TRIM24: variants seen among roughly 807,000 people sequenced by gnomAD.
TRIM24 encodes the protein transcription intermediary factor 1-alpha.
Under a neutral mutation model 123.9 loss-of-function variants are expected in TRIM24, and 29 were observed. The observed-to-expected ratio is 0.23, with a 90% CI of 0.17 to 0.32. The LOEUF (loss-of-function observed/expected upper bound fraction) is 0.32, where lower values mean the gene tolerates loss of function less well. Ranked by LOEUF, TRIM24 falls within the 10% of genes least tolerant of loss-of-function variation. TRIM24 has a pLI of 1.00. For synonymous variants in TRIM24, 456 were observed against 461.1 expected, an observed-to-expected ratio of 0.99 and a Z score of 0.14; for missense variants, 932 against 1,295.3, an observed-to-expected ratio of 0.72 and a Z score of 4.31.
chr7:138,472,886 A>T (rs1049050904), intron 1 of TRIM24, among the ~76,000 whole-genome samples: 2 of 152,084 alleles, frequency 1.3e-5, no homozygotes, highest in African/African-American at 4.8e-5. Flanking sequence ...TTTTTTTTTT[A>T]AATAGAAACA....
At chr7:138,560,056 T>A (rs1797394610) in intron 9 of TRIM24, among the ~76,000 whole-genome samples, 1 of 152,136 alleles carries the variant, frequency 6.6e-6, no homozygotes, top group Non-Finnish European at 1.5e-5. Context: ...CCGAACAAGA[T>A]CTCATAGGGC....
intron 4 of TRIM24, among the ~76,000 whole-genome samples, chr7:138,523,396 C>T (rs1057173253): frequency 3.3e-5 from 5 of 152,132 alleles, no homozygotes; most frequent in African/African-American, 1.2e-4. Flanking sequence ...TAATTTAAAA[C>T]CTTCCCACAA....
intron 1 of TRIM24, among the ~76,000 whole-genome samples, chr7:138,480,519 T>C (rs1795503087): frequency 1.3e-5 from 2 of 152,206 alleles, no homozygotes; most frequent in Admixed American, 1.3e-4. Context: ...GTATTGGAAA[T>C]GTTGCCTGTT....
intron 1 of TRIM24, among the ~76,000 whole-genome samples, chr7:138,471,650 C>T (rs1334211165): frequency 1.3e-5 from 2 of 152,042 alleles, no homozygotes; most frequent in Admixed American, 6.6e-5. Context: ...AAGTGATTCT[C>T]ATGCCTCAGC....
intron 1 of TRIM24, among the ~76,000 whole-genome samples, chr7:138,482,063 C>T (rs1795539698): frequency 6.6e-6 from 1 of 152,158 alleles, no homozygotes; most frequent in Non-Finnish European, 1.5e-5. Flanking sequence ...TTCTCTTTCT[C>T]AGGCAGTTTT....
intron 7 of TRIM24, among the ~76,000 whole-genome samples, chr7:138,550,545 G>A (rs1419564655): frequency 6.6e-6 from 1 of 152,100 alleles, no homozygotes; most frequent in Non-Finnish European, 1.5e-5. Context: ...GCAGCGTGGA[G>A]GAAAGTGGAT....
At chr7:138,472,136 C>T (rs1057019999) in intron 1 of TRIM24, among the ~76,000 whole-genome samples, 1 of 151,768 alleles carries the variant, frequency 6.6e-6, no homozygotes, top group African/African-American at 2.4e-5. Flanking sequence ...AAAGTTTAGA[C>T]AACTCTGAAG....
chr7:138,564,361 C>T (rs1157712250), intron 9 of TRIM24, among the ~76,000 whole-genome samples: 2 of 152,116 alleles, frequency 1.3e-5, no homozygotes, highest in Non-Finnish European at 2.9e-5. Flanking sequence ...AGTCTTGGAG[C>T]ATGTTACCAT....
At chr7:138,499,014 C>T (rs1250617327) in intron 1 of TRIM24, among the ~76,000 whole-genome samples, 1 of 152,130 alleles carries the variant, frequency 6.6e-6, no homozygotes, top group Admixed American at 6.5e-5. Flanking sequence ...ACTGATTTTT[C>T]TGTCTACTGC....
chr7:138,462,620 G>A (rs1334806695), intron 1 of TRIM24, among the ~76,000 whole-genome samples: 2 of 151,970 alleles, frequency 1.3e-5, no homozygotes, highest in Admixed American at 6.5e-5. Context: ...GATTACAGGC[G>A]TGAGCCACCG....
intron 1 of TRIM24, chr7:138,461,142 G>C: frequency 1.4e-6 from 1 of 694,092 alleles, no homozygotes; most frequent in East Asian, 2.9e-5. Context: ...CCGCGCCGCC[G>C]CCGCCGCCGC....
At chr7:138,464,251 C>T (rs1371882368) in intron 1 of TRIM24, among the ~76,000 whole-genome samples, 2 of 151,592 alleles carry the variant, frequency 1.3e-5, no homozygotes, top group East Asian at 1.9e-4. Context: ...CTGCCTTGGC[C>T]CCCAGAAGTG....
At chr7:138,573,481 C>A in intron 11 of TRIM24, 26 bp from the exon 12 acceptor site, 2 of 1,509,876 alleles carry the variant, frequency 1.3e-6, no homozygotes, top group Non-Finnish European at 1.8e-6. Context: ...ATCAGAATGC[C>A]CTGAAATAAT....
intron 2 of TRIM24, among the ~76,000 whole-genome samples, chr7:138,510,307 G>A (rs368552065): frequency 2.6e-5 from 4 of 152,198 alleles, no homozygotes; most frequent in East Asian, 1.9e-4. Flanking sequence ...GCTGAAAATA[G>A]AAGTTGTAGA....
At chr7:138,559,778 T>A (rs1349347184) in intron 9 of TRIM24, among the ~76,000 whole-genome samples, 2 of 152,166 alleles carry the variant, frequency 1.3e-5, no homozygotes, top group Non-Finnish European at 2.9e-5. Flanking sequence ...TCCTGCAACT[T>A]TAACAGCAGT....
chr7:138,565,605 T>C (rs1167527988), intron 9 of TRIM24, among the ~76,000 whole-genome samples: 2 of 151,954 alleles, frequency 1.3e-5, no homozygotes, highest in Non-Finnish European at 1.5e-5. Context: ...CCCCAGAAAA[T>C]GTTTCAGGAA....
chr7:138,578,920 G>GTATATATA (rs71177997), intron 14 of TRIM24, among the ~76,000 whole-genome samples: 22 of 146,430 alleles, frequency 1.5e-4, no homozygotes, highest in Admixed American at 6.8e-4. Context: ...CTCCAGTGAG[G>GTATATATA]TATATATATA....
intron 2 of TRIM24, among the ~76,000 whole-genome samples, chr7:138,508,718 T>TGTGCGTGTGTGTGG (rs1261999447): frequency 7.5e-6 from 1 of 133,840 alleles, no homozygotes; most frequent in South Asian, 2.4e-4. Context: ...CGTGTGTGTG[T>TGTGCGTGTGTGTGG]GCGTGTGTGT....
chr7:138,477,169 A>G (rs1256815493), intron 1 of TRIM24, among the ~76,000 whole-genome samples: 1 of 152,124 alleles, frequency 6.6e-6, no homozygotes, highest in Admixed American at 6.6e-5. Flanking sequence ...CAAATAAACA[A>G]CGGAGGCCAG....
Sources: gnomAD v4.1 joint callset for allele counts (sites outside exome capture counted in the v4.1 genomes callset) on GRCh38, gnomAD v4.1.1 for gene constraint, MANE v1.5 for transcripts, NCBI Gene and HGNC (gene_info 2026-07-23, HGNC 2026-07-21) for gene names.